Variants in C2CD3 observed in about 807,000 individuals in gnomAD.
The protein encoded by C2CD3 is C2 domain containing 3 centriole elongation regulator.
A neutral mutation model predicts 234.0 loss-of-function variants in C2CD3; 148 were observed. That is an observed-to-expected ratio of 0.63 (90% CI 0.55 to 0.72). C2CD3 has a LOEUF of 0.72. Among genes scored for constraint, C2CD3 ranks in the 30% least tolerant of loss-of-function variants. The pLI is 0.00. For synonymous variants in C2CD3, 1,000 were observed against 1,035.4 expected, an observed-to-expected ratio of 0.97 and a Z score of 0.66; for missense variants, 2,577 against 2,811.5, an observed-to-expected ratio of 0.92 and a Z score of 1.89.
intron 3 of C2CD3, among the ~76,000 whole-genome samples, chr11:74,151,500 T>C (rs540400331): frequency 1.6e-4 from 25 of 152,154 alleles, no homozygotes; most frequent in African/African-American, 6.0e-4. Context: ...CCAATTTTTG[T>C]ATTTTTTGTA....
intron 32 of C2CD3, among the ~76,000 whole-genome samples, chr11:74,014,446 T>C (rs1951806362): frequency 6.6e-6 from 1 of 152,188 alleles, no homozygotes; most frequent in Non-Finnish European, 1.5e-5. Flanking sequence ...TCCTGGGCAC[T>C]GAGAAGAAGC....
At chr11:74,108,277 C>T (rs970999643) in intron 12 of C2CD3, 4 of 151,702 alleles carry the variant, frequency 2.6e-5, no homozygotes, top group Admixed American at 2.6e-4. Context: ...CCTTTCCCAC[C>T]ATTCCTATTT....
intron 11 of C2CD3, chr11:74,113,553 G>A (rs1040499212): frequency 8.2e-6 from 4 of 488,446 alleles, no homozygotes; most frequent in Non-Finnish European, 1.5e-5. Flanking sequence ...GGTGGCATAC[G>A]CCTGTAATCC....
intron 32 of C2CD3, among the ~76,000 whole-genome samples, 172 bp from the exon 33 acceptor site, chr11:74,013,697 G>A (rs573223444): frequency 6.6e-6 from 1 of 152,236 alleles, no homozygotes; most frequent in Non-Finnish European, 1.5e-5. Context: ...CCCCATATGG[G>A]GGGTATATCA....
intron 3 of C2CD3, among the ~76,000 whole-genome samples, chr11:74,158,068 G>C (rs892261781): frequency 6.6e-6 from 1 of 152,120 alleles, no homozygotes; most frequent in Admixed American, 6.5e-5. Context: ...TAAGATCTAG[G>C]ACTATAAAAC....
chr11:74,093,103 G>A (rs1459823221), intron 18 of C2CD3, among the ~76,000 whole-genome samples: 1 of 151,930 alleles, frequency 6.6e-6, no homozygotes, highest in African/African-American at 2.4e-5. Flanking sequence ...ATTGTATTTA[G>A]GAAAGTGTTC....
chr11:74,107,966 T>A (rs1032404167), intron 12 of C2CD3: 1 of 151,908 alleles, frequency 6.6e-6, no homozygotes, highest in African/African-American at 2.4e-5. Context: ...CTGGCTAACA[T>A]GGTGAAACCC....
chr11:74,147,444 C>A (rs2950412), intron 3 of C2CD3, among the ~76,000 whole-genome samples: 6,050 of 151,618 alleles, frequency 0.04, 401 homozygotes, highest in African/African-American at 0.14. Context: ...ACCACAACAA[C>A]GACAACACCC....
chr11:74,145,989 T>C (rs1855157430), intron 3 of C2CD3, among the ~76,000 whole-genome samples: 1 of 152,146 alleles, frequency 6.6e-6, no homozygotes, highest in Non-Finnish European at 1.5e-5. Context: ...TTTCTAATGG[T>C]AAAATATACA....
At chr11:74,102,875 T>C (rs972764220) in intron 14 of C2CD3, among the ~76,000 whole-genome samples, 4 of 151,990 alleles carry the variant, frequency 2.6e-5, no homozygotes, top group African/African-American at 9.7e-5. Flanking sequence ...AGGAATAGAA[T>C]CCCAAAACTC....
At chr11:74,043,910 AC>A (rs1208526366) in intron 28 of C2CD3, among the ~76,000 whole-genome samples, 1 of 151,880 alleles carries the variant, frequency 6.6e-6, no homozygotes, top group African/African-American at 2.4e-5. Context: ...TGCAGCCCTG[AC>A]CTCCTGGGCT....
At chr11:74,060,405 C>G (rs963728179) in intron 24 of C2CD3, among the ~76,000 whole-genome samples, 2 of 152,212 alleles carry the variant, frequency 1.3e-5, no homozygotes, top group Non-Finnish European at 2.9e-5. Context: ...CTGGGTTCCC[C>G]TTTGAGACGA....
chr11:74,161,280 T>G, intron 3 of C2CD3, 119 bp downstream of exon 3: 7 of 536,422 alleles, frequency 1.3e-5, no homozygotes, highest in Non-Finnish European at 1.9e-5. Flanking sequence ...GGCAAAGGCA[T>G]GAGGTGGAAA....
chr11:74,133,725 GA>G (rs1957757769), intron 5 of C2CD3, 168 bp from the exon 6 acceptor site: 1 of 651,662 alleles, frequency 1.5e-6, no homozygotes, highest in Admixed American at 2.8e-5. Flanking sequence ...TTACGCAAAA[GA>G]GATGTTTACT....
intron 8 of C2CD3, among the ~76,000 whole-genome samples, chr11:74,121,959 T>A (rs1336664065): frequency 6.6e-6 from 1 of 152,286 alleles, no homozygotes; most frequent in Non-Finnish European, 1.5e-5. Flanking sequence ...CCCAGTGGCT[T>A]CCTATCTGCT....
At chr11:74,020,052 T>G (rs1409814354) in intron 32 of C2CD3, among the ~76,000 whole-genome samples, 2 of 152,188 alleles carry the variant, frequency 1.3e-5, no homozygotes, top group African/African-American at 4.8e-5. Context: ...ACTTTCTGCC[T>G]CCTACACTCA....
chr11:74,054,691 C>A lies in C2CD3; in HGVS notation c.5091-20G>T. 6.4e-7 allele frequency: 1 copy of A among 1,566,672 alleles called. No homozygotes were observed. The highest frequency in any genetic ancestry group is 8.8e-7 in the Non-Finnish European group (1 of 1,142,274). Reference sequence around the variant, plus strand: ...GATAGCCTATTAAGAAAAACAACCACTGTAAACTAAATGTATAGGAACTTT... The same window carrying A: ...GATAGCCTATTAAGAAAAACAACCAATGTAAACTAAATGTATAGGAACTTT... On this transcript the variant is annotated intron_variant, in intron 25 of 32. Coordinates refer to ENST00000334126, the MANE Select transcript of C2CD3 (RefSeq NM_001286577.2).
chr11:74,128,349 T>A (rs1957486282), intron 7 of C2CD3, among the ~76,000 whole-genome samples: 1 of 152,186 alleles, frequency 6.6e-6, no homozygotes, highest in Non-Finnish European at 1.5e-5. Context: ...CTTCTCACTT[T>A]CATAGTGTCC....
intron 32 of C2CD3, among the ~76,000 whole-genome samples, chr11:74,026,043 A>T (rs530990758): frequency 3.3e-5 from 5 of 152,288 alleles, no homozygotes; most frequent in East Asian, 3.9e-4. Context: ...AAAACTGCAG[A>T]TCTTCCTGGA....
Sources: allele counts gnomAD v4.1 joint callset (sites outside exome capture counted in the v4.1 genomes callset), GRCh38; gene constraint gnomAD v4.1.1; transcripts MANE v1.5; gene names NCBI Gene and HGNC (gene_info 2026-07-23, HGNC 2026-07-21).